Variants in IFT27 observed in about 807,000 individuals in gnomAD.
IFT27 encodes intraflagellar transport 27.
Under a neutral mutation model 23.9 loss-of-function variants are expected in IFT27, and 19 were observed. The ratio of observed to expected loss-of-function variants is 0.79; its 90% confidence interval spans 0.55 to 1.16. The LOEUF is 1.16. Ranked by LOEUF, IFT27 falls within the 50% of genes most tolerant of loss-of-function variation. The pLI is 0.00. For synonymous variants in IFT27, 91 were observed against 89.1 expected (o/e 1.02, Z -0.12); for missense variants, 206 against 228.7 (o/e 0.90, Z 0.64).
chr22:36,762,865 C>T, intron 6 of IFT27, 39 bp downstream of exon 6: 1 of 1,366,764 alleles, frequency 7.3e-7, no homozygotes, highest in South Asian at 1.4e-5. Flanking sequence ...AGCAGAGGCC[C>T]ACTCCAGACT....
At chr22:36,765,316 T>C (rs924671208) in intron 4 of IFT27, among the ~76,000 whole-genome samples, 3 of 151,890 alleles carry the variant, frequency 2.0e-5, no homozygotes, top group Admixed American at 6.6e-5. Context: ...GGGGAGGGTG[T>C]GAGCTGACGG....
intron 1 of IFT27, among the ~76,000 whole-genome samples, chr22:36,774,008 G>A (rs899496819): frequency 2.6e-5 from 4 of 151,962 alleles, no homozygotes; most frequent in Non-Finnish European, 5.9e-5. Flanking sequence ...AAAAAAAAAA[G>A]TAACTTCAGA....
At chr22:36,772,854 G>A (rs1938416499) in intron 1 of IFT27, 1 of 858,768 alleles carries the variant, frequency 1.2e-6, no homozygotes, top group African/African-American at 1.8e-5. Context: ...CCAATGGCAT[G>A]TGTGTGGTGG....
chr22:36,772,643 T>C, intron 1 of IFT27: 1 of 985,494 alleles, frequency 1.0e-6, no homozygotes. Context: ...TAGTTCTTCC[T>C]TGAGTGCAAC....
At chr22:36,772,902 G>T (rs1011997398) in intron 1 of IFT27, among the ~76,000 whole-genome samples, 1 of 152,130 alleles carries the variant, frequency 6.6e-6, no homozygotes, top group African/African-American at 2.4e-5. Flanking sequence ...CTGATTTCTG[G>T]GCTGAGGTCT....
At position 36,762,907 on chromosome 22, in the gene IFT27, G is replaced by C; in HGVS notation, c.459C>G (p.Ser153=). Residue 153 remains serine, a synonymous_variant, in exon 6 of 7, where the codon TCC becomes TCG. Coordinates refer to ENST00000433985, the MANE Select transcript of IFT27 (RefSeq NM_001177701.3). ...LGQGLECFET[S]VKEMENFEAP... ...CGAGGCAAGTGGAAATACTCACCAC[G>C]GATGTTTCAAAACATTCCAGGCCCT... The C allele has an allele frequency of 1.9e-6, 3 of 1,564,708 alleles. No homozygotes were observed. Among genetic ancestry groups the C allele is most frequent in the African/African-American group, 2.7e-5 (2 of 73,710 alleles).
intron 4 of IFT27, among the ~76,000 whole-genome samples, 165 bp from the exon 5 acceptor site, chr22:36,764,201 A>G (rs2145916969): frequency 6.6e-6 from 1 of 152,394 alleles, no homozygotes; most frequent in East Asian, 1.9e-4. Context: ...AAAGGAATGA[A>G]CGGAGGGCCA....
At chr22:36,767,746 C>G in intron 2 of IFT27, 37 bp downstream of exon 2, 3 of 1,565,724 alleles carry the variant, frequency 1.9e-6, no homozygotes, top group South Asian at 1.1e-5. Context: ...GAGCACTTCT[C>G]TATAAGCTGT....
chr22:36,775,562 G>A, intron 1 of IFT27, 112 bp downstream of exon 1: 1 of 1,130,778 alleles, frequency 8.8e-7, no homozygotes, highest in Non-Finnish European at 1.3e-6. Flanking sequence ...ACTCGCCTTT[G>A]GGAGAGAGAA....
rs540133606 is a variant in IFT27 at position 36,769,989 on chromosome 22, AC to A, written c.35-2128del. Among the ~76,000 whole-genome samples the A allele has an allele frequency of 1.8e-4, 27 of 152,322 alleles. No homozygotes were observed. In the South Asian group the frequency reaches 5.0e-3, roughly 28 times the overall value. On this transcript the variant is annotated intron_variant, in intron 1 of 6. Transcript: ENST00000433985. ...CACAGGGAGGTGAAATAACTGATAA[AC>A]ACATTTGCAGAGCAACAGGATGACA...
chr22:36,760,979 C>T (rs951211698), intron 6 of IFT27: 2 of 167,066 alleles, frequency 1.2e-5, no homozygotes, highest in African/African-American at 2.4e-5. Flanking sequence ...TTGGCTGCGT[C>T]TCAAGCTGCG....
intron 6 of IFT27, chr22:36,760,107 A>T (rs1416327600): frequency 6.6e-6 from 1 of 152,278 alleles, no homozygotes; most frequent in East Asian, 1.9e-4. Flanking sequence ...ATCACCGTCC[A>T]GCTGGACACG....
chr22:36,763,062 G>A, intron 5 of IFT27, 49 bp from the exon 6 acceptor site: 1 of 1,377,180 alleles, frequency 7.3e-7, no homozygotes, highest in East Asian at 2.4e-5. Flanking sequence ...TCACACTCTG[G>A]AAGGACAGCG....
intron 4 of IFT27, among the ~76,000 whole-genome samples, chr22:36,764,320 T>A (rs367639305): frequency 1.3e-5 from 2 of 152,226 alleles, no homozygotes; most frequent in East Asian, 1.9e-4. Flanking sequence ...ACCTCCCAAC[T>A]CGGTAGAGTG....
chr22:36,763,684 C>T (rs1010218998), intron 5 of IFT27: 1 of 610,260 alleles, frequency 1.6e-6, no homozygotes, highest in African/African-American at 1.8e-5. Flanking sequence ...TGAGTCTCCC[C>T]ACAGCCCTGC....
intron 3 of IFT27, 196 bp from the exon 4 acceptor site, chr22:36,766,393 G>C: frequency 3.4e-6 from 2 of 583,098 alleles, no homozygotes; most frequent in Non-Finnish European, 6.2e-6. Context: ...GTCTTAGAGA[G>C]GCAGTACGAC....
chr22:36,766,122 A>G lies in IFT27; in HGVS notation c.234+16T>C. 1.9e-6 allele frequency: 3 copies of G among 1,611,144 alleles called. No homozygotes were observed. In the South Asian group the frequency reaches 3.3e-5, roughly 18 times the overall value. On this transcript the variant is annotated intron_variant, in intron 4 of 6. Transcript: ENST00000433985. ...GGAGGTGGTGACAGTCAGGAAAAAG[A>G]CCACGTGCTACTTGCCAATTTATCC... is the stretch of plus-strand genomic sequence containing the variant.
intron 1 of IFT27, among the ~76,000 whole-genome samples, chr22:36,769,174 T>C (rs1487557501): frequency 2.0e-5 from 3 of 152,158 alleles, no homozygotes; most frequent in East Asian, 3.8e-4. Flanking sequence ...GGAACCAATA[T>C]GTGCTGAGCC....
chr22:36,772,980 G>A (rs989074825), intron 1 of IFT27, among the ~76,000 whole-genome samples: 23 of 152,296 alleles, frequency 1.5e-4, no homozygotes, highest in African/African-American at 5.3e-4. Context: ...AGATTGAGGC[G>A]CAGGCTGGAG....
Sources: allele counts gnomAD v4.1 joint callset (sites outside exome capture counted in the v4.1 genomes callset), GRCh38; gene constraint gnomAD v4.1.1; transcripts MANE v1.5; gene names NCBI Gene and HGNC (gene_info 2026-07-23, HGNC 2026-07-21).